Variants in NRCAM observed in about 807,000 individuals in gnomAD.
NRCAM encodes neuronal cell adhesion molecule.
A neutral mutation model predicts 156.5 loss-of-function variants in NRCAM; 83 were observed. The ratio of observed to expected loss-of-function variants is 0.53; its 90% confidence interval spans 0.44 to 0.64. The LOEUF is 0.64. NRCAM is among the 30% of genes least tolerant of loss of function. NRCAM has a pLI of 0.00. For missense variants in NRCAM, 1,417 were observed against 1,597.3 expected, an observed-to-expected ratio of 0.89 and a Z score of 1.92; for synonymous variants, 538 against 563.9, an observed-to-expected ratio of 0.95 and a Z score of 0.65.
chr7:108,328,197 G>A (rs927256471), intron 2 of NRCAM, among the ~76,000 whole-genome samples: 32 of 152,132 alleles, frequency 2.1e-4, no homozygotes, highest in Admixed American at 1.9e-3. Context: ...CAAGCTATGT[G>A]AAACAAACTC....
At chr7:108,264,710 C>T (rs2097022184) in intron 3 of NRCAM, among the ~76,000 whole-genome samples, 1 of 152,168 alleles carries the variant, frequency 6.6e-6, no homozygotes, top group South Asian at 2.1e-4. Context: ...TTTCTCTGTT[C>T]CTGTAACAAA....
chr7:108,217,342 T>A (rs2089777827), intron 11 of NRCAM, among the ~76,000 whole-genome samples: 1 of 152,152 alleles, frequency 6.6e-6, no homozygotes, highest in Non-Finnish European at 1.5e-5. Context: ...CTCTCCTGTA[T>A]GAGGTGTCTG....
At chr7:108,379,186 A>C (rs2099690141) in intron 2 of NRCAM, among the ~76,000 whole-genome samples, 1 of 152,198 alleles carries the variant, frequency 6.6e-6, no homozygotes, top group African/African-American at 2.4e-5. Flanking sequence ...CAAGGTGCCC[A>C]AGAACTGCAG....
chr7:108,316,616 A>G (rs1322117662), intron 2 of NRCAM, among the ~76,000 whole-genome samples: 1 of 144,146 alleles, frequency 6.9e-6, no homozygotes, highest in African/African-American at 2.8e-5. Context: ...TCTACTAAAG[A>G]AAAAAAAAAT....
At chr7:108,188,253 G>A (rs977936301) in intron 20 of NRCAM, among the ~76,000 whole-genome samples, 1 of 152,102 alleles carries the variant, frequency 6.6e-6, no homozygotes, top group Admixed American at 6.5e-5. Context: ...CCAGTCACTG[G>A]AGCACCCCAA....
At chr7:108,226,501 A>G (rs931937895) in intron 8 of NRCAM, 123 bp from the exon 9 acceptor site, 22 of 569,000 alleles carry the variant, frequency 3.9e-5, no homozygotes, top group Middle Eastern at 8.9e-4. Flanking sequence ...TTTTCTCTAT[A>G]TAGCTCTTTG....
rs548695802 is a variant in NRCAM at position 108,425,930 on chromosome 7, C to T, written c.-331-26337G>A. ...CTGCTTTCTCTCATTGCCACTATTG[C>T]TCCTGGCTTTCTTTCGAGTCTAGAG... On this transcript the variant is annotated intron_variant, in intron 1 of 32. Transcript: ENST00000379028. Among the ~76,000 whole-genome samples, 23 of 152,340 alleles carry T rather than the reference C, an allele frequency of 1.5e-4. No homozygotes were observed. In the South Asian group the frequency reaches 4.6e-3, roughly 30 times the overall value.
intron 11 of NRCAM, among the ~76,000 whole-genome samples, chr7:108,218,173 T>C (rs374108316): frequency 4.2e-5 from 5 of 118,632 alleles, no homozygotes; most frequent in African/African-American, 1.4e-4. Flanking sequence ...TTCCCTTGGC[T>C]GGGGGGGGGG....
chr7:108,191,399 C>T (rs1483448498), intron 18 of NRCAM, 116 bp from the exon 19 acceptor site: 4 of 798,714 alleles, frequency 5.0e-6, no homozygotes, highest in Admixed American at 6.4e-5. Context: ...AAGCCCTATG[C>T]TTAGCTGTGA....
rs1409462870 is a variant in NRCAM at position 108,159,550 on chromosome 7, T to C, written c.3599-9A>G. The stretch of plus-strand genomic sequence containing the variant: ...ATCTTCCTTTTCTTTAACTAAAAAA[T>C]GCCAAAATGGTATTATTATCTGTTG... On this transcript the variant is annotated splice_polypyrimidine_tract_variant and intron_variant, in intron 31 of 32. Coordinates refer to ENST00000379028, the MANE Select transcript of NRCAM (RefSeq NM_001037132.4). 1.9e-6 allele frequency: 3 copies of C among 1,608,814 alleles called. No homozygotes were observed. Among genetic ancestry groups the C allele is most frequent in the African/African-American group, 1.3e-5 (1 of 74,800 alleles).
Position 108,240,007 on chromosome 7 carries a change from T to G in NRCAM, c.58A>C (p.Ile20Leu). Residue 20 changes from isoleucine (I) to leucine (L), a missense_variant, in exon 4 of 33, where the codon ATT becomes CTT. By Grantham distance (5) the Ile-to-Leu change is conservative. This residue lies in a region of NRCAM where 1,238 missense variants were observed against 1,336.4 expected (regional missense o/e 0.93). Coordinates refer to ENST00000379028, the MANE Select transcript of NRCAM (RefSeq NM_001037132.4). ...KRLSAGRVPL[I>L]LFLCQMISAL... ...CTAATCATCTGGCACAGGAAGAGAA[T>G]CAGGGGCACTCTGCCCGCAGATAAG... 1 of 1,613,440 alleles carries G rather than the reference T, an allele frequency of 6.2e-7. No homozygotes were observed.
intron 3 of NRCAM, among the ~76,000 whole-genome samples, chr7:108,254,508 T>C (rs949897516): frequency 5.3e-5 from 8 of 151,194 alleles, no homozygotes; most frequent in Non-Finnish European, 1.2e-4. Context: ...CATATTGCTA[T>C]GGAAACATAA....
chr7:108,183,889 C>T lies in NRCAM; in HGVS notation c.2304+352G>A, dbSNP rs2065062888. Among the ~76,000 whole-genome samples the T allele has an allele frequency of 2.0e-5, 3 of 152,008 alleles. No individual in the cohort carries two copies. The South Asian group carries it at 6.2e-4, about 32-fold the overall frequency. On this transcript the variant is annotated intron_variant, in intron 22 of 32. Transcript: ENST00000379028. ...TTTTTGAGCATGTGTATATGCTAGG[C>T]ACTGTTCTAGGTGCTTTATATGTAT...
chr7:108,333,013 A>G (rs1429741981), intron 2 of NRCAM, among the ~76,000 whole-genome samples: 1 of 152,228 alleles, frequency 6.6e-6, no homozygotes, highest in Non-Finnish European at 1.5e-5. Flanking sequence ...AAATACCAGC[A>G]ATTTTATATG....
At position 108,189,637 on chromosome 7, in the gene NRCAM, C is replaced by T; in HGVS notation, c.2035+8G>A. The T allele has an allele frequency of 1.7e-6, 2 of 1,148,252 alleles. No homozygotes were observed. The highest frequency in any genetic ancestry group is 2.4e-5 in the East Asian group (1 of 42,234). 71.1% of individuals were successfully genotyped at this position (1,148,252 alleles called of 1,614,324 possible). On this transcript the variant is annotated splice_region_variant and intron_variant, in intron 20 of 32. Transcript: ENST00000379028. ...TTGATCGGAAATAGAGCAAATAATA[C>T]CACATACTTGTAATGGGGCTATTGT...
intron 25 of NRCAM, chr7:108,178,463 A>C (rs2061826865): frequency 4.9e-5 from 18 of 366,362 alleles, no homozygotes; most frequent in South Asian, 1.3e-4. Flanking sequence ...AAACTATTCT[A>C]ACTGGATCTG....
chr7:108,238,383 T>G (rs2095277831), intron 4 of NRCAM, among the ~76,000 whole-genome samples: 1 of 152,192 alleles, frequency 6.6e-6, no homozygotes, highest in African/African-American at 2.4e-5. Flanking sequence ...ACCAAGGACT[T>G]GTTCATGTAG....
intron 2 of NRCAM, among the ~76,000 whole-genome samples, chr7:108,368,239 C>CCCA (rs1159722394): frequency 7.6e-6 from 1 of 131,716 alleles, no homozygotes; most frequent in East Asian, 2.8e-4. Context: ...CCCCCACCCC[C>CCCA]CCGCCTGCTC....
At chr7:108,208,691 G>C (rs975177880) in intron 12 of NRCAM, among the ~76,000 whole-genome samples, 1 of 152,066 alleles carries the variant, frequency 6.6e-6, no homozygotes, top group Non-Finnish European at 1.5e-5. Context: ...GAAGAGTACT[G>C]GTCAGTTATT....
Sources: allele counts gnomAD v4.1 joint callset (sites outside exome capture counted in the v4.1 genomes callset), GRCh38; gene constraint gnomAD v4.1.1; regional missense constraint gnomAD v4.1.1; transcripts MANE v1.5; gene names NCBI Gene and HGNC (gene_info 2026-07-23, HGNC 2026-07-21).